SIGIRR: variants seen among roughly 807,000 people sequenced by gnomAD.
SIGIRR encodes the protein single Ig and TIR domain containing.
In SIGIRR, 41 loss-of-function variants were observed where a neutral mutation model predicts 45.6. That is an observed-to-expected ratio of 0.90 (90% CI 0.70 to 1.17). The LOEUF is 1.17. SIGIRR is among the 50% of genes most tolerant of loss of function. The pLI is 0.00. For synonymous variants in SIGIRR, 298 were observed against 239.0 expected (o/e 1.25, Z -2.28); for missense variants, 599 against 539.6 (o/e 1.11, Z -1.09).
chr11:406,550 G>A lies in SIGIRR; in HGVS notation c.880-12C>T, dbSNP rs756597485. 4 of 1,602,414 alleles carry A rather than the reference G, an allele frequency of 2.5e-6. No individual in the cohort carries two copies. The East Asian group carries it at 8.9e-5, about 36-fold the overall frequency. ...TCGGAGGAAGGAGTCTGGGGGCCAG[G>A]TCGGGGCGGTTTGCAGGTGTGAACA... On this transcript the variant is annotated splice_polypyrimidine_tract_variant and intron_variant, in intron 8 of 9. Transcript: ENST00000431843.
intron 1 of SIGIRR, among the ~76,000 whole-genome samples, chr11:413,018 G>A (rs1048932011): frequency 6.6e-6 from 1 of 152,100 alleles, no homozygotes; most frequent in Non-Finnish European, 1.5e-5. Context: ...GGCCCCAGGG[G>A]CCTCTCCTCA....
chr11:405,840 C>T lies in SIGIRR; in HGVS notation c.*56G>A, dbSNP rs1263901817. On this transcript the variant is annotated 3_prime_UTR_variant, in exon 10 of 10. Transcript: ENST00000431843. ...GTTGTGGTCCTGTTGAGCAGAGGAG[C>T]GACGCCGCTGCCCTGGCCCCCGCTG... 2 of 1,528,188 alleles carry T rather than the reference C, an allele frequency of 1.3e-6. No homozygotes were observed. Among genetic ancestry groups the T allele is most frequent in the Admixed American group, 1.9e-5 (1 of 51,828 alleles). 94.7% of individuals were successfully genotyped at this position (1,528,188 alleles called of 1,614,324 possible). A position where few individuals can be genotyped will look rare whatever the true frequency, so the allele number is the denominator to read the frequency against.
At chr11:415,443 G>T (rs1290454406), upstream of SIGIRR, among the ~76,000 whole-genome samples, 2 of 152,234 alleles carry the variant, frequency 1.3e-5, no homozygotes, top group Admixed American at 6.5e-5. The surrounding 1 kb of genome is among the most constrained non-coding windows in gnomAD (Gnocchi z 6.6). Flanking sequence ...GGACCGCGCG[G>T]CATGCCTTCC....
At chr11:411,353 C>T (rs1375601813) in intron 1 of SIGIRR, among the ~76,000 whole-genome samples, 30 of 13,416 alleles carry the variant, frequency 2.2e-3, no homozygotes, top group African/African-American at 0.012. Flanking sequence ...TGGATGCAGT[C>T]GGGGGGTGCC....
At chr11:406,194 C>A (rs1293521924) in intron 9 of SIGIRR, 135 bp from the exon 10 acceptor site, 2 of 1,537,738 alleles carry the variant, frequency 1.3e-6, no homozygotes, top group Non-Finnish European at 1.7e-6. Context: ...AGACCGAGGG[C>A]CGAGCACCTC....
rs747257180 is a variant in SIGIRR, at chr11:407,031, T to C, written c.728+31A>G. On this transcript the variant is annotated intron_variant, in intron 7 of 9. Coordinates refer to ENST00000431843, the MANE Select transcript of SIGIRR (RefSeq NM_001135054.2). ...ACCGTCAGGGGGGTGGGTGCTACGCTGGGGCCCACCCAACCCCGCGCGGGA... is the reference window on the plus strand; with the variant it reads ...ACCGTCAGGGGGGTGGGTGCTACGCCGGGGCCCACCCAACCCCGCGCGGGA... The C allele has an allele frequency of 2.5e-6, 4 of 1,580,096 alleles. No individual in the cohort carries two copies. In the African/African-American group the frequency reaches 4.1e-5, roughly 16 times the overall value.
chr11:410,336 C>T (rs1221419545), intron 1 of SIGIRR, among the ~76,000 whole-genome samples: 1 of 152,170 alleles, frequency 6.6e-6, no homozygotes, highest in African/African-American at 2.4e-5. Context: ...TGTCTCCCGA[C>T]ATGGCAGTTG....
At chr11:413,191 C>T (rs1215304395) in intron 1 of SIGIRR, among the ~76,000 whole-genome samples, 1 of 152,190 alleles carries the variant, frequency 6.6e-6, no homozygotes, top group Non-Finnish European at 1.5e-5. Flanking sequence ...GAGGCAGTGG[C>T]AGGGACAGTC....
At chr11:407,678 G>A in intron 5 of SIGIRR, 110 bp from the exon 6 acceptor site, 2 of 1,558,582 alleles carry the variant, frequency 1.3e-6, no homozygotes, top group Non-Finnish European at 1.7e-6. Context: ...ACCCGCCCCG[G>A]ACTTTAACCC....
At chr11:407,671 C>T (rs1847407174) in intron 5 of SIGIRR, 103 bp from the exon 6 acceptor site, 1 of 1,553,662 alleles carries the variant, frequency 6.4e-7, no homozygotes. Flanking sequence ...GGGGCAGACC[C>T]GCCCCGGACT....
At position 406,432 on chromosome 11, in the gene SIGIRR, T is replaced by TC; in HGVS notation, c.985dup (p.Asp329GlyfsTer12). ...TCGGCCTCGAAGAATCAGCATGGGGTCCTTGTCGTCCTGCAGCTGCGTCTG... is the reference window on the plus strand; with the variant it reads ...TCGGCCTCGAAGAATCAGCATGGGGTCCCTTGTCGTCCTGCAGCTGCGTCTG... On this transcript the variant is annotated frameshift_variant, in exon 9 of 10. Transcript: ENST00000431843. LOFTEE classifies it high-confidence loss of function. 6.2e-7 allele frequency: 1 copy of TC among 1,612,650 alleles called. No individual in the cohort carries two copies. Among genetic ancestry groups the TC allele is most frequent in the Non-Finnish European group, 8.5e-7 (1 of 1,179,898 alleles).
chr11:410,449 C>T (rs1228624079), intron 1 of SIGIRR, among the ~76,000 whole-genome samples: 1 of 152,130 alleles, frequency 6.6e-6, no homozygotes, highest in Non-Finnish European at 1.5e-5. Context: ...AGTGATGTAA[C>T]CTACACCATG....
Position 406,870 on chromosome 11 carries a change from G to A in SIGIRR, c.852C>T (p.Thr284=), listed in dbSNP as rs764990044. ...RLLRQHRHLV[T]LLLWRPGSVT... ...CGGAGCCGGGCCTCCAGAGCAGCAA[G>A]GTCACCAGGTGGCGGTGCTGGCGCA... The change falls in exon 8 of 10, where the codon ACC becomes ACT. Residue 284 remains threonine (T), a synonymous_variant. Transcript: ENST00000431843. The A allele has an allele frequency of 1.3e-6, 2 of 1,577,996 alleles. No homozygotes were observed. The highest frequency in any genetic ancestry group is 1.3e-5 in the African/African-American group (1 of 74,480).
chr11:409,863 C>T lies in SIGIRR; in HGVS notation c.7+5G>A. The T allele has an allele frequency of 7.5e-7, 1 of 1,332,262 alleles. No individual in the cohort carries two copies. The highest frequency in any genetic ancestry group is 3.0e-5 in the East Asian group (1 of 33,234). The allele number at this position is 1,332,262 out of a possible 1,614,324, so 82.5% of individuals were successfully genotyped here. On this transcript the variant is annotated splice_donor_5th_base_variant and intron_variant, in intron 2 of 9. Transcript: ENST00000431843. ...TTCAAGCCCATCCCTCTCTGACCTG[C>T]CTACCTGGCATGGCTCTGAGCCGGG...
chr11:406,733 C>G, intron 8 of SIGIRR, 110 bp downstream of exon 8: 6 of 1,427,632 alleles, frequency 4.2e-6, no homozygotes, highest in South Asian at 1.5e-5. Flanking sequence ...GGCCCATTCA[C>G]AAAGCGTGGT....
chr11:409,260 A>G (rs2133628474), intron 2 of SIGIRR: 1 of 431,582 alleles, frequency 2.3e-6, no homozygotes, highest in Non-Finnish European at 4.5e-6. Context: ...GTCTCATAGG[A>G]GGGGCCGGGC....
At chr11:407,366 T>TGGGGCGGGGCGGGGCGGGGCGGGGC (rs1332330696) in intron 6 of SIGIRR, 59 bp downstream of exon 6, 2 of 1,221,662 alleles carry the variant, frequency 1.6e-6, no homozygotes, top group Non-Finnish European at 2.1e-6. Context: ...GGACGGAGCA[T>TGGGGCGGGGCGGGGCGGGGCGGGGC]GGGGCGGGGC....
chr11:406,468 T>A lies in SIGIRR; in HGVS notation c.950A>T (p.Glu317Val). ...CTGCAGCTGCGTCTGGGGGTCTCCT[T>A]CCACAGGCCTGTACTGCACCTTCCG... ...LPRKVQYRPV[E>V]GDPQTQLQDD... is the part of the protein sequence containing the mutation. The change falls in exon 9 of 10, where the codon GAA becomes GTA. Residue 317 changes from glutamate to valine, a missense_variant. Transcript: ENST00000431843. 6.2e-7 allele frequency: 1 copy of A among 1,612,634 alleles called. No individual in the cohort carries two copies. The highest frequency in any genetic ancestry group is 8.5e-7 in the Non-Finnish European group (1 of 1,179,832).
intron 1 of SIGIRR, among the ~76,000 whole-genome samples, chr11:412,868 G>C (rs889036564): frequency 6.6e-6 from 1 of 152,118 alleles, no homozygotes; most frequent in African/African-American, 2.4e-5. Flanking sequence ...AGGGTGAACA[G>C]CGCCCGGTGG....
Sources: gnomAD v4.1 joint callset for allele counts (sites outside exome capture counted in the v4.1 genomes callset) on GRCh38, gnomAD v4.1.1 for gene constraint, Gnocchi (gnomAD v3.1) non-coding constraint, MANE v1.5 for transcripts, NCBI Gene and HGNC (gene_info 2026-07-23, HGNC 2026-07-21) for gene names.